The following KCNH8 variants were observed in gnomAD, a reference collection of about 807,000 sequenced individuals.
KCNH8 encodes the protein potassium voltage-gated channel subfamily H member 8.
A neutral mutation model predicts 103.6 loss-of-function variants in KCNH8; 70 were observed. The ratio of observed to expected loss-of-function variants is 0.68; its 90% CI spans 0.56 to 0.82. The LOEUF (loss-of-function observed/expected upper bound fraction) is 0.82, where lower values mean the gene tolerates loss of function less well. Ranked by LOEUF, KCNH8 falls within the 40% of genes least tolerant of loss-of-function variation. The probability of loss-of-function intolerance (pLI) is 0.00; values close to 1 mark genes in which losing one functional copy is unlikely to be tolerated. For synonymous variants in KCNH8, 498 were observed against 489.4 expected (o/e 1.02, Z -0.23); for missense variants, 1,217 against 1,329.9 (o/e 0.92, Z 1.32).
In KCNH8 at chr3:19,347,846, C is replaced by T; in HGVS notation, c.692C>T (p.Ala231Val). ...KAGWDWLILL[A>V]TFYVAVTVPY... The stretch of plus-strand genomic sequence containing the variant: ...GGCTGGGACTGGCTTATTTTGTTGG[C>T]AACGTTTTATGTTGCTGTGACTGTA... Residue 231 changes from alanine (A) to valine (V), a missense_variant, in exon 5 of 16, where the codon GCA (alanine) becomes GTA (valine). Around this residue, in one of 3 missense-constraint regions of KCNH8, gnomAD observed 415 missense variants for 577.4 expected, o/e 0.72. Coordinates refer to ENST00000328405, the MANE Select transcript of KCNH8 (RefSeq NM_144633.3). The T allele has an allele frequency of 6.2e-7, 1 of 1,613,382 alleles. No individual in the cohort carries two copies. The highest frequency in any genetic ancestry group is 8.5e-7 in the Non-Finnish European group (1 of 1,179,500).
intron 3 of KCNH8, among the ~76,000 whole-genome samples, chr3:19,282,284 A>G (rs907703692): frequency 6.6e-6 from 1 of 152,138 alleles, no homozygotes; most frequent in Admixed American, 6.6e-5. Flanking sequence ...GTATATTGGC[A>G]TGACTAAATT....
intron 11 of KCNH8, among the ~76,000 whole-genome samples, chr3:19,460,598 T>C (rs1173515223): frequency 6.6e-6 from 1 of 152,190 alleles, no homozygotes; most frequent in Non-Finnish European, 1.5e-5. Flanking sequence ...GCAGAAAAAC[T>C]CCTAGCCAAA....
At chr3:19,150,515 G>A (rs1274336637) in intron 1 of KCNH8, among the ~76,000 whole-genome samples, 4 of 152,110 alleles carry the variant, frequency 2.6e-5, no homozygotes, top group Non-Finnish European at 5.9e-5. Context: ...ACAGCCTTGG[G>A]AATTACTGCA....
At chr3:19,338,894 G>A (rs1312020045) in intron 3 of KCNH8, among the ~76,000 whole-genome samples, 1 of 151,844 alleles carries the variant, frequency 6.6e-6, no homozygotes. Flanking sequence ...GATATTCTAG[G>A]TCATTACTAT....
chr3:19,533,458 C>A lies in KCNH8; in HGVS notation c.2683C>A (p.Leu895Met). The A allele has an allele frequency of 6.2e-7, 1 of 1,614,148 alleles. No individual in the cohort carries two copies. The stretch of plus-strand genomic sequence containing the variant: ...AGACATGAGAAATGTGATCCAGCTT[C>A]TGGAAAACGTTCTGTCACCTCAGCA... ...GKDMRNVIQLLENVLSPQQPS... is the reference protein window; with the variant it reads ...GKDMRNVIQLMENVLSPQQPS... Residue 895 changes from leucine to methionine, a missense_variant, in exon 16 of 16, where the codon CTG becomes ATG. This residue lies in a region of KCNH8 where 558 missense variants were observed against 495.8 expected (regional missense o/e 1.13). Transcript: ENST00000328405.
intron 1 of KCNH8, among the ~76,000 whole-genome samples, chr3:19,241,878 G>A (rs936235021): frequency 2.6e-5 from 4 of 152,038 alleles, no homozygotes; most frequent in Non-Finnish European, 1.5e-5. Context: ...AATATTGAAC[G>A]TTGTAATAGT....
At chr3:19,357,006 T>TA (rs1411671745) in intron 5 of KCNH8, among the ~76,000 whole-genome samples, 10 of 151,712 alleles carry the variant, frequency 6.6e-5, no homozygotes, top group South Asian at 2.1e-4. Flanking sequence ...CTGAAAAATT[T>TA]AAAAAAAAGC....
intron 5 of KCNH8, among the ~76,000 whole-genome samples, chr3:19,354,271 G>C (rs1447415197): frequency 3.3e-5 from 5 of 152,142 alleles, no homozygotes; most frequent in Admixed American, 1.3e-4. Flanking sequence ...CTCATGGATA[G>C]GAAGAATCAA....
chr3:19,492,379 A>G (rs2068341814), intron 11 of KCNH8, among the ~76,000 whole-genome samples: 1 of 152,172 alleles, frequency 6.6e-6, no homozygotes. Context: ...GTCTAGTTTC[A>G]TTCTTATGCA....
intron 3 of KCNH8, among the ~76,000 whole-genome samples, chr3:19,295,055 A>G (rs1346800599): frequency 2.0e-5 from 3 of 152,110 alleles, no homozygotes; most frequent in East Asian, 1.9e-4. Context: ...ACTTTTTGCA[A>G]TTAAATGACC....
At chr3:19,432,479 G>T (rs547703531) in intron 7 of KCNH8, among the ~76,000 whole-genome samples, 1 of 152,208 alleles carries the variant, frequency 6.6e-6, no homozygotes, top group African/African-American at 2.4e-5. Context: ...GTGAACTTTA[G>T]CATATCAATA....
chr3:19,151,756 T>G (rs2125178564), intron 1 of KCNH8, among the ~76,000 whole-genome samples: 1 of 152,036 alleles, frequency 6.6e-6, no homozygotes, highest in East Asian at 1.9e-4. Flanking sequence ...TTTTAATATT[T>G]AAAAAGTGAG....
chr3:19,310,273 T>C (rs938145491), intron 3 of KCNH8, among the ~76,000 whole-genome samples: 1 of 151,922 alleles, frequency 6.6e-6, no homozygotes, highest in African/African-American at 2.4e-5. Context: ...AAGTGACTAA[T>C]AGAAAACTTT....
At chr3:19,486,794 A>G (rs148454602) in intron 11 of KCNH8, among the ~76,000 whole-genome samples, 42 of 152,316 alleles carry the variant, frequency 2.8e-4, no homozygotes, top group African/African-American at 8.4e-4. Context: ...GTAAAACCTT[A>G]CAGCTCGTAG....
chr3:19,385,906 T>C (rs951826807), intron 5 of KCNH8, among the ~76,000 whole-genome samples: 5 of 152,188 alleles, frequency 3.3e-5, no homozygotes, highest in Admixed American at 6.5e-5. Context: ...AATGAAGACA[T>C]TAATTATTTG....
chr3:19,353,969 G>A (rs1056224442), intron 5 of KCNH8, among the ~76,000 whole-genome samples: 4 of 152,154 alleles, frequency 2.6e-5, no homozygotes, highest in Non-Finnish European at 5.9e-5. Context: ...TGACATGATT[G>A]TATACTTAGA....
At chr3:19,339,569 C>A (rs985852136) in intron 3 of KCNH8, among the ~76,000 whole-genome samples, 6 of 152,022 alleles carry the variant, frequency 3.9e-5, no homozygotes, top group African/African-American at 1.4e-4. Flanking sequence ...ATGAAATGTG[C>A]TTTGTTCAGC....
intron 3 of KCNH8, among the ~76,000 whole-genome samples, chr3:19,335,628 T>G (rs2065574188): frequency 6.6e-6 from 1 of 151,564 alleles, no homozygotes; most frequent in Admixed American, 6.6e-5. Context: ...CTTTAAAGCT[T>G]GATAACCTTG....
chr3:19,268,479 A>G (rs1186115424), intron 2 of KCNH8, among the ~76,000 whole-genome samples: 2 of 152,042 alleles, frequency 1.3e-5, no homozygotes, highest in African/African-American at 4.8e-5. Flanking sequence ...CACATAGGAG[A>G]AGGTAGGTAA....
Sources: gnomAD v4.1 joint callset for allele counts (sites outside exome capture counted in the v4.1 genomes callset) on GRCh38, gnomAD v4.1.1 for gene constraint, gnomAD v4.1.1 regional missense constraint, MANE v1.5 for transcripts, NCBI Gene and HGNC (gene_info 2026-07-23, HGNC 2026-07-21) for gene names.